DNAH9: variants seen among roughly 807,000 people sequenced by gnomAD.
The protein encoded by DNAH9 is dynein axonemal heavy chain 9, also known as DNAH9 variant protein.
In DNAH9, 345 loss-of-function variants were observed where a neutral mutation model predicts 471.6. That is an observed-to-expected ratio of 0.73 (90% CI 0.67 to 0.80). The LOEUF (loss-of-function observed/expected upper bound fraction) is 0.80, where lower values mean the gene tolerates loss of function less well. Ranked by LOEUF, DNAH9 falls within the 30% of genes least tolerant of loss-of-function variation. The probability of loss-of-function intolerance (pLI) is 0.00; values close to 1 mark genes in which losing one functional copy is unlikely to be tolerated. For missense variants in DNAH9, 5,407 were observed against 5,609.2 expected, an observed-to-expected ratio of 0.96 and a Z score of 1.15; for synonymous variants, 2,093 against 2,123.6, an observed-to-expected ratio of 0.99 and a Z score of 0.40.
At chr17:11,877,310 TAAA>T (rs1470222359) in intron 53 of DNAH9, among the ~76,000 whole-genome samples, 3 of 150,674 alleles carry the variant, frequency 2.0e-5, no homozygotes, top group Non-Finnish European at 4.4e-5. Context: ...CCATCTCTAC[TAAA>T]AATACAAAAA....
intron 48 of DNAH9, among the ~76,000 whole-genome samples, chr17:11,834,304 G>A (rs775668418): frequency 2.1e-4 from 29 of 139,332 alleles, no homozygotes; most frequent in Admixed American, 5.5e-4. Context: ...ATTCCAGTCC[G>A]GGTGACAGAG....
intron 43 of DNAH9, among the ~76,000 whole-genome samples, chr17:11,800,863 A>G (rs1001801952): frequency 2.6e-5 from 4 of 152,224 alleles, no homozygotes; most frequent in African/African-American, 9.6e-5. Context: ...TGTGGAACCT[A>G]GCAGGTGCTC....
intron 28 of DNAH9, among the ~76,000 whole-genome samples, chr17:11,731,016 G>A (rs1301656010): frequency 6.6e-6 from 1 of 151,800 alleles, no homozygotes; most frequent in African/African-American, 2.4e-5. Flanking sequence ...TAATGATGAT[G>A]GTGGTGATGA....
chr17:11,830,762 A>T (rs1349392695), intron 48 of DNAH9, among the ~76,000 whole-genome samples: 1 of 152,250 alleles, frequency 6.6e-6, no homozygotes, highest in East Asian at 1.9e-4. Context: ...CTGAAAAGTC[A>T]AAGATAGGGC....
intron 57 of DNAH9, among the ~76,000 whole-genome samples, chr17:11,889,599 C>T (rs149451632): frequency 4.6e-5 from 7 of 152,306 alleles, no homozygotes; most frequent in Non-Finnish European, 7.3e-5. Flanking sequence ...TGGTCTAGAG[C>T]GTTGCTCATA....
At chr17:11,805,794 C>T (rs576972714) in intron 43 of DNAH9, among the ~76,000 whole-genome samples, 21 of 152,116 alleles carry the variant, frequency 1.4e-4, no homozygotes, top group Admixed American at 7.9e-4. Flanking sequence ...CTCAGGTGAT[C>T]CCCCCACCTT....
chr17:11,797,737 C>T lies in DNAH9; in HGVS notation c.8364C>T (p.His2788=), dbSNP rs747997758. The T allele has an allele frequency of 9.9e-6, 16 of 1,614,196 alleles. No individual in the cohort carries two copies. The highest frequency in any genetic ancestry group is 5.5e-5 in the South Asian group (5 of 91,090). The change falls in exon 43 of 69, where the codon CAC becomes CAT. Residue 2788 remains histidine, a synonymous_variant. Transcript: ENST00000262442. ...TQTLVEALEN[H]NEVNTVMDLV... ...CTCTGGTGGAGGCCTTGGAGAACCA[C>T]AATGAAGTCAACACAGTGATGGACC...
intron 32 of DNAH9, among the ~76,000 whole-genome samples, chr17:11,749,064 G>T (rs12945361): frequency 0.077 from 1,959 of 25,290 alleles, 446 homozygotes; most frequent in South Asian, 0.15. Flanking sequence ...TTTTAAGAGG[G>T]TTTTTTTTTG....
intron 57 of DNAH9, among the ~76,000 whole-genome samples, chr17:11,891,240 G>A (rs992025150): frequency 6.6e-6 from 1 of 152,188 alleles, no homozygotes; most frequent in African/African-American, 2.4e-5. Flanking sequence ...TATCACTGCA[G>A]AGGTATATAT....
In DNAH9 at chr17:11,784,670, A is replaced by C. The variant is rs186936165; in HGVS notation, c.8061+131A>C. The stretch of plus-strand genomic sequence containing the variant: ...AGCCACTGTTCATATGTAATCATGA[A>C]CATAAGCAGGTACACACAGTGCCAT... On this transcript the variant is annotated intron_variant, in intron 41 of 68. Transcript: ENST00000262442. 67 of 1,346,780 alleles carry C rather than the reference A, an allele frequency of 5.0e-5. No individual in the cohort carries two copies. The African/African-American group carries it at 8.4e-4, about 17-fold the overall frequency. 83.4% of individuals were successfully genotyped at this position (1,346,780 alleles called of 1,614,324 possible).
chr17:11,638,824 A>C (rs184075333), intron 9 of DNAH9, among the ~76,000 whole-genome samples: 2 of 152,286 alleles, frequency 1.3e-5, no homozygotes, highest in African/African-American at 4.8e-5. Context: ...ATCCACTGCC[A>C]TCCTCCTTGC....
intron 42 of DNAH9, 87 bp from the exon 43 acceptor site, chr17:11,797,510 G>A: frequency 9.0e-7 from 1 of 1,116,170 alleles, no homozygotes; most frequent in Non-Finnish European, 1.3e-6. Context: ...TCCAGGGAAT[G>A]TGCAGAGCAA....
At chr17:11,948,724 G>A (rs1975241755) in intron 67 of DNAH9, among the ~76,000 whole-genome samples, 1 of 152,156 alleles carries the variant, frequency 6.6e-6, no homozygotes, top group Non-Finnish European at 1.5e-5. Context: ...GGCCAGCCTG[G>A]AAGGAGTGGG....
chr17:11,769,164 T>C lies in DNAH9; in HGVS notation c.7387T>C (p.Phe2463Leu). The change falls in exon 38 of 69, where the codon TTC (phenylalanine) becomes CTC (leucine). Residue 2463 changes from phenylalanine (F) to leucine (L), a missense_variant. Phe to Leu is a conservative substitution (Grantham distance 22). Coordinates refer to ENST00000262442, the MANE Select transcript of DNAH9 (RefSeq NM_001372.4). ...HTSETIRVCYFMERLMARQRP... is the reference protein window; with the variant it reads ...HTSETIRVCYLMERLMARQRP... ...GAGTGAGACCATCCGTGTGTGCTAC[T>C]TCATGGAGCGGTTGATGGCGCGGCA... The C allele has an allele frequency of 6.2e-7, 1 of 1,614,222 alleles. No individual in the cohort carries two copies. The highest frequency in any genetic ancestry group is 8.5e-7 in the Non-Finnish European group (1 of 1,180,034).
intron 66 of DNAH9, among the ~76,000 whole-genome samples, chr17:11,941,487 G>A (rs1006050434): frequency 6.6e-6 from 1 of 152,142 alleles, no homozygotes; most frequent in African/African-American, 2.4e-5. Context: ...AATTAACTCA[G>A]AATCTCTGAG....
intron 57 of DNAH9, among the ~76,000 whole-genome samples, chr17:11,888,191 A>G (rs536902677): frequency 1.2e-4 from 18 of 151,926 alleles, no homozygotes; most frequent in East Asian, 5.8e-4. Flanking sequence ...TCACTGTGTT[A>G]GCCAGGATGG....
intron 49 of DNAH9, chr17:11,853,049 A>G (rs985828571): frequency 1.3e-5 from 2 of 151,736 alleles, no homozygotes; most frequent in Non-Finnish European, 2.9e-5. Context: ...CTTTAAAGGA[A>G]GTGGCAGGCA....
intron 39 of DNAH9, 141 bp from the exon 40 acceptor site, chr17:11,783,504 CT>C: frequency 1.8e-6 from 1 of 568,170 alleles, no homozygotes; most frequent in South Asian, 2.8e-5. Context: ...GCTCTTATCT[CT>C]TCTCAATCCC....
At chr17:11,959,373 G>A (rs1047142301) in intron 67 of DNAH9, among the ~76,000 whole-genome samples, 1 of 151,910 alleles carries the variant, frequency 6.6e-6, no homozygotes, top group Admixed American at 6.6e-5. Flanking sequence ...TATACTTAAT[G>A]TTATTTTATT....
Sources: allele counts gnomAD v4.1 joint callset (sites outside exome capture counted in the v4.1 genomes callset), GRCh38; gene constraint gnomAD v4.1.1; transcripts MANE v1.5; gene names NCBI Gene and HGNC (gene_info 2026-07-23, HGNC 2026-07-21).